TTC39A: variants seen among roughly 807,000 people sequenced by gnomAD.
The protein encoded by TTC39A is tetratricopeptide repeat protein 39A.
In TTC39A, 46 loss-of-function variants were observed where a neutral mutation model predicts 82.3. The observed-to-expected ratio is 0.56, with a 90% CI of 0.44 to 0.71. The LOEUF (loss-of-function observed/expected upper bound fraction) is 0.71, where lower values mean the gene tolerates loss of function less well. Ranked by LOEUF, TTC39A falls within the 30% of genes least tolerant of loss-of-function variation. TTC39A has a pLI of 0.00. For missense variants in TTC39A, 543 were observed against 712.9 expected, an observed-to-expected ratio of 0.76 and a Z score of 2.71; for synonymous variants, 254 against 275.2, an observed-to-expected ratio of 0.92 and a Z score of 0.76.
chr1:51,343,518 G>A (rs1189404518), intron 1 of TTC39A, among the ~76,000 whole-genome samples: 3 of 152,164 alleles, frequency 2.0e-5, no homozygotes, highest in Non-Finnish European at 4.4e-5. Context: ...CTTCAGCACT[G>A]CCAATTTTAC....
In TTC39A at chr1:51,330,405, C is replaced by A. The variant is rs925426373; in HGVS notation, c.41+32G>T. 33 of 980,164 alleles carry A rather than the reference C, an allele frequency of 3.4e-5. No individual in the cohort carries two copies. Among genetic ancestry groups the A allele is most frequent in the Non-Finnish European group, 4.0e-5 (33 of 827,786 alleles). The allele number at this position is 980,164 out of a possible 1,614,324, so 60.7% of individuals were successfully genotyped here. A position where few individuals can be genotyped will look rare whatever the true frequency, so the allele number is the denominator to read the frequency against. On this transcript the variant is annotated intron_variant, in intron 1 of 17. Coordinates refer to ENST00000680483, the MANE Select transcript of TTC39A (RefSeq NM_001297663.2). This position sits in a 1 kb window ranked among gnomAD's most constrained non-coding sequence, Gnocchi z 4.5. ...TGCCCGGGCCCCAGCCCGCGCCGCC[C>A]GCGCCCCCGGGCCTCCCAGCCGCGC...
upstream of TTC39A, among the ~76,000 whole-genome samples, chr1:51,332,287 C>T (rs1645922593): frequency 6.6e-6 from 1 of 152,234 alleles, no homozygotes; most frequent in South Asian, 2.1e-4. Context: ...AAGTCTCACT[C>T]TGTTACCCAG....
At chr1:51,320,871 GTT>G (rs770160259) in intron 2 of TTC39A, among the ~76,000 whole-genome samples, 6 of 126,734 alleles carry the variant, frequency 4.7e-5, no homozygotes, top group East Asian at 2.3e-4. Flanking sequence ...ATGTTTTCTG[GTT>G]TTTTTTTTTT....
In TTC39A at chr1:51,288,232, G is replaced by A. The variant is rs17392930; in HGVS notation, c.1659C>T (p.Ile553=). ...YSMESRTHFR[I]QAATLQAKSS... Reference sequence around the variant, plus strand: ...ACTTGGCTTGGAGTGTGGCTGCCTGGATTCGAAAGTGTGTCCTTGACTCCA... The same window carrying A: ...ACTTGGCTTGGAGTGTGGCTGCCTGAATTCGAAAGTGTGTCCTTGACTCCA... Residue 553 remains isoleucine (I), a synonymous_variant, in exon 18 of 18, where the codon ATC becomes ATT. Coordinates refer to ENST00000680483, the MANE Select transcript of TTC39A (RefSeq NM_001297663.2). This position sits in a 1 kb window ranked among gnomAD's most constrained non-coding sequence, Gnocchi z 4.8. The A allele has an allele frequency of 0.048, 77,331 of 1,614,018 alleles. 2,155 individuals carry two copies. The highest frequency in any genetic ancestry group is 0.055 in the Non-Finnish European group (64,536 of 1,179,884).
At chr1:51,327,677 T>G (rs1184573887) in intron 1 of TTC39A, among the ~76,000 whole-genome samples, 1 of 151,982 alleles carries the variant, frequency 6.6e-6, no homozygotes, top group East Asian at 1.9e-4. Flanking sequence ...ATTATTATTT[T>G]TTTCTAAAAT....
rs1269904432 is a variant in TTC39A at position 51,288,286 on chromosome 1, A to G, written c.1611-6T>C. 6.2e-7 allele frequency: 1 copy of G among 1,613,960 alleles called. No individual in the cohort carries two copies. On this transcript the variant is annotated splice_region_variant and splice_polypyrimidine_tract_variant and intron_variant, in intron 17 of 17. Coordinates refer to ENST00000680483, the MANE Select transcript of TTC39A (RefSeq NM_001297663.2). This position sits in a 1 kb window ranked among gnomAD's most constrained non-coding sequence, Gnocchi z 4.8. ...AGTAATTCTTGTAGTTTTGCCTGGA[A>G]TTGAGCAGCGAATCAGACACATGAG...
chr1:51,312,227 G>A, intron 3 of TTC39A, 32 bp from the exon 4 acceptor site: 1 of 1,572,576 alleles, frequency 6.4e-7, no homozygotes, highest in Non-Finnish European at 8.6e-7. Flanking sequence ...CTCAGGTGAG[G>A]ATTAGAGAGA....
chr1:51,290,994 G>A (rs1278230364), intron 14 of TTC39A, among the ~76,000 whole-genome samples: 2 of 152,112 alleles, frequency 1.3e-5, no homozygotes, highest in Non-Finnish European at 2.9e-5. Flanking sequence ...TGAGGACCAG[G>A]CCATGCTCCA....
Position 51,288,441 on chromosome 1 carries a change from AGGGTTTGTGGC to A in TTC39A, c.1611-172_1611-162del, listed in dbSNP as rs1464012323. Among the ~76,000 whole-genome samples, 1 of 152,170 alleles carries A rather than the reference AGGGTTTGTGGC, an allele frequency of 6.6e-6. No homozygotes were observed. Among genetic ancestry groups the A allele is most frequent in the African/African-American group, 2.4e-5 (1 of 41,440 alleles). On this transcript the variant is annotated intron_variant, in intron 17 of 17. Transcript: ENST00000680483. The surrounding 1 kb of genome is among the most constrained non-coding windows in gnomAD (Gnocchi z 4.8). ...CTACCCAATGGGAGAGTTAACCAGA[AGGGTTTGTGGC>A]CCCTCATCCCTGGTATCATGGCCAC...
intron 5 of TTC39A, among the ~76,000 whole-genome samples, chr1:51,311,009 G>C (rs1297099040): frequency 6.6e-6 from 1 of 152,250 alleles, no homozygotes; most frequent in Admixed American, 6.5e-5. Context: ...CAGTCGCACA[G>C]TGGAAACAGC....
In TTC39A at chr1:51,294,884, C is replaced by T. The variant is rs1644355870; in HGVS notation, c.1146-373G>A. Among the ~76,000 whole-genome samples, 1 of 152,236 alleles carries T rather than the reference C, an allele frequency of 6.6e-6. No individual in the cohort carries two copies. The highest frequency in any genetic ancestry group is 2.4e-5 in the African/African-American group (1 of 41,472). On this transcript the variant is annotated intron_variant, in intron 13 of 17. Transcript: ENST00000680483. This position sits in a 1 kb window ranked among gnomAD's most constrained non-coding sequence, Gnocchi z 4.3. ...CCCAATTTCACAGGAGAGACCAACA[C>T]TCGGAGAAAGGGTGGGACCTACCCA...
intron 8 of TTC39A, among the ~76,000 whole-genome samples, chr1:51,304,788 C>A (rs1186310228): frequency 6.6e-6 from 1 of 152,212 alleles, no homozygotes; most frequent in Non-Finnish European, 1.5e-5. Context: ...GCCCCTGACA[C>A]CTGTCAGGCT....
upstream of TTC39A, among the ~76,000 whole-genome samples, chr1:51,332,056 A>T (rs1299376159): frequency 6.6e-6 from 1 of 152,210 alleles, no homozygotes; most frequent in Admixed American, 6.5e-5. Flanking sequence ...TAGGCATTTA[A>T]ACATGCTGTT....
Position 51,330,364 on chromosome 1 carries a change from C to G in TTC39A, c.41+73G>C. ...GGCCGGTGCGCGGGGGGAGGCCTGG[C>G]GCGGCGCCCGCCACCTGCCCGGGCC... On this transcript the variant is annotated intron_variant, in intron 1 of 17. Transcript: ENST00000680483. This position sits in a 1 kb window ranked among gnomAD's most constrained non-coding sequence, Gnocchi z 4.5. 1 of 939,950 alleles carries G rather than the reference C, an allele frequency of 1.1e-6. No individual in the cohort carries two copies. Among genetic ancestry groups the G allele is most frequent in the Non-Finnish European group, 1.3e-6 (1 of 790,904 alleles). 58.2% of individuals were successfully genotyped at this position (939,950 alleles called of 1,614,324 possible).
chr1:51,290,445 G>T, intron 15 of TTC39A, 69 bp downstream of exon 15: 1 of 1,380,476 alleles, frequency 7.2e-7, no homozygotes, highest in South Asian at 1.3e-5. Context: ...GGACATTTTT[G>T]GCAGAGGGAA....
intron 1 of TTC39A, among the ~76,000 whole-genome samples, chr1:51,340,174 TG>T (rs1189690184): frequency 5.9e-5 from 9 of 152,240 alleles, no homozygotes; most frequent in African/African-American, 1.4e-4. Context: ...ACCCAGTTTA[TG>T]CTATTTCATT....
chr1:51,337,171 A>G (rs1325399151), intron 1 of TTC39A, among the ~76,000 whole-genome samples: 2 of 152,120 alleles, frequency 1.3e-5, no homozygotes, highest in East Asian at 1.9e-4. Flanking sequence ...TCTATGGCTC[A>G]TGAGGCCCTG....
upstream of TTC39A, among the ~76,000 whole-genome samples, chr1:51,336,279 A>T (rs1157468258): frequency 2.0e-5 from 3 of 152,160 alleles, no homozygotes; most frequent in Non-Finnish European, 4.4e-5. Flanking sequence ...GGAAGGATCT[A>T]TTCCTGCTCC....
chr1:51,325,882 A>G (rs921360475), intron 1 of TTC39A: 2 of 152,260 alleles, frequency 1.3e-5, no homozygotes, highest in African/African-American at 4.8e-5. Context: ...ATGGACAGTC[A>G]GTGCAGACAG....
Sources: allele counts gnomAD v4.1 joint callset (sites outside exome capture counted in the v4.1 genomes callset), GRCh38; gene constraint gnomAD v4.1.1; non-coding constraint Gnocchi (gnomAD v3.1); transcripts MANE v1.5; gene names NCBI Gene and HGNC (gene_info 2026-07-23, HGNC 2026-07-21).